Variants in FGF13 observed in about 807,000 individuals in gnomAD.
FGF13 encodes fibroblast growth factor 13.
FGF13 carries 2 observed loss-of-function variants against 19.5 expected under a neutral mutation model. The observed-to-expected ratio is 0.10, with a 90% CI of 0.04 to 0.32. The LOEUF is 0.32. FGF13 is among the 10% of genes least tolerant of loss of function. The probability of loss-of-function intolerance (pLI) is 1.00; values close to 1 mark genes in which losing one functional copy is unlikely to be tolerated. For missense variants in FGF13, 113 were observed against 192.7 expected (o/e 0.59, Z 2.45); for synonymous variants, 72 against 76.9 (o/e 0.94, Z 0.33).
chrX:139,090,941 C>CAAAAAA (rs1181771963), intron 1 of FGF13, among the ~76,000 whole-genome samples: 340 of 32,734 alleles, frequency 0.01, 22 homozygotes, highest in African/African-American at 0.035. Flanking sequence ...GACCCTGTCT[C>CAAAAAA]AAAAAAAAAA....
rs185561393 is a variant in FGF13, at chrX:138,652,512, T to C, written c.403-16857A>G. ...CATAAAAATTTACTAAATTAAGGGA[T>C]AGATGAATCCTGGTAGCCTGGTACA... On this transcript the variant is annotated intron_variant, in intron 3 of 4. Transcript: ENST00000315930. Among the ~76,000 whole-genome samples the C allele has an allele frequency of 3.1e-3, 348 of 111,880 alleles. 1 individual carries two copies. Among genetic ancestry groups the C allele is most frequent in the African/African-American group, 0.011 (334 of 30,800 alleles).
chrX:138,628,805 G>A lies in FGF13; in HGVS notation c.*4045C>T. On this transcript the variant is annotated 3_prime_UTR_variant, in exon 5 of 5. Transcript: ENST00000315930. Reference sequence around the variant, plus strand: ...AAAACTGGAACAAATGTACTGGTTAGGGAGGGGAGGAGTGCCACAGATCAC... The same window carrying A: ...AAAACTGGAACAAATGTACTGGTTAAGGAGGGGAGGAGTGCCACAGATCAC... The A allele has an allele frequency of 8.9e-6, 1 of 111,870 alleles. No individual in the cohort carries two copies. The highest frequency in any genetic ancestry group is 1.9e-5 in the Non-Finnish European group (1 of 53,245). The allele number at this position is 111,870 out of a possible 1,213,427, so 9.2% of individuals were successfully genotyped here. A position where few individuals can be genotyped will look rare whatever the true frequency, so the allele number is the denominator to read the frequency against.
At chrX:138,656,135 AT>A (rs759539700) in intron 3 of FGF13, among the ~76,000 whole-genome samples, 5 of 111,755 alleles carry the variant, frequency 4.5e-5, no homozygotes, top group African/African-American at 1.3e-4. Context: ...GTTTGGCAAG[AT>A]GAGTACCAAA....
intron 1 of FGF13, among the ~76,000 whole-genome samples, chrX:138,975,305 T>C (rs1048214661): frequency 1.8e-5 from 2 of 112,077 alleles, no homozygotes; most frequent in African/African-American, 6.5e-5. Flanking sequence ...GAAAGTGAGG[T>C]TGACTATCTT....
At chrX:138,777,700 C>T (rs775312514) in intron 3 of FGF13, among the ~76,000 whole-genome samples, 19 of 111,649 alleles carry the variant, frequency 1.7e-4, no homozygotes, top group Non-Finnish European at 3.0e-4. Flanking sequence ...AATAGCACCG[C>T]GAAAGCTCTA....
intron 1 of FGF13, among the ~76,000 whole-genome samples, chrX:138,725,550 T>G (rs987855609): frequency 9.0e-6 from 1 of 111,558 alleles, no homozygotes; most frequent in Non-Finnish European, 1.9e-5. Flanking sequence ...TTGTTCTTCC[T>G]AAGCAGTACG....
At chrX:139,102,691 A>G (rs2124458683) in intron 1 of FGF13, among the ~76,000 whole-genome samples, 1 of 112,444 alleles carries the variant, frequency 8.9e-6, no homozygotes, top group Admixed American at 9.4e-5. Context: ...AATCCACCAA[A>G]GAAAATGAGA....
In FGF13 at chrX:139,022,299, C is replaced by T. The variant is rs148435249; in HGVS notation, c.-112-157649G>A. Among the ~76,000 whole-genome samples the T allele has an allele frequency of 8.5e-3, 947 of 111,944 alleles. 9 individuals are homozygous for T. Among genetic ancestry groups the T allele is most frequent in the African/African-American group, 0.029 (900 of 30,941 alleles). On this transcript the variant is annotated intron_variant, in intron 1 of 2. Transcript: ENST00000421460. ...TAAAAGGGGCAATAACTCCAACCTT[C>T]GGTTACATAGCAGCATTGGGGTACT...
At chrX:138,914,382 TCC>T (rs759476286) in intron 1 of FGF13, among the ~76,000 whole-genome samples, 6 of 111,239 alleles carry the variant, frequency 5.4e-5, no homozygotes, top group Admixed American at 9.6e-5. Flanking sequence ...TGTATGTTAC[TCC>T]AACTTTGTGG....
intron 1 of FGF13, among the ~76,000 whole-genome samples, chrX:138,964,941 G>T (rs867180933): frequency 8.9e-6 from 1 of 111,774 alleles, no homozygotes; most frequent in South Asian, 3.8e-4. Context: ...AGATTTGGAG[G>T]GAACAAACAT....
chrX:138,689,651 A>G (rs934458501), intron 3 of FGF13, among the ~76,000 whole-genome samples: 1 of 112,040 alleles, frequency 8.9e-6, no homozygotes, highest in Non-Finnish European at 1.9e-5. Context: ...GAGAAAGCAT[A>G]CCTCAAGTAA....
At chrX:138,866,783 G>C (rs11798003) in intron 1 of FGF13, among the ~76,000 whole-genome samples, 1 of 112,035 alleles carries the variant, frequency 8.9e-6, no homozygotes, top group Non-Finnish European at 1.9e-5. Flanking sequence ...CTATTTTCAC[G>C]AGGTTCTGAA....
At chrX:138,857,553 G>A (rs912643928) in exon 3 of FGF13, 4 of 1,205,846 alleles carry the variant, frequency 3.3e-6, no homozygotes, top group African/African-American at 3.5e-5. Context: ...TTGCTTCAGC[G>A]GGCAGCAGAA....
chrX:138,996,224 G>A (rs1398863706), intron 1 of FGF13, among the ~76,000 whole-genome samples: 7 of 112,416 alleles, frequency 6.2e-5, no homozygotes, highest in Non-Finnish European at 1.1e-4. Flanking sequence ...TGCAGGGCAC[G>A]GCATCACCTC....
chrX:138,686,093 C>T (rs1008467402), intron 3 of FGF13, among the ~76,000 whole-genome samples: 1 of 111,118 alleles, frequency 9.0e-6, no homozygotes, highest in African/African-American at 3.3e-5. Context: ...CATCTTGCTG[C>T]TAACTTTTAA....
chrX:138,942,619 G>C (rs1719510159), intron 1 of FGF13, among the ~76,000 whole-genome samples: 1 of 111,586 alleles, frequency 9.0e-6, no homozygotes, highest in African/African-American at 3.3e-5. Flanking sequence ...GCTTGCTACA[G>C]AGCTAATTCT....
chrX:138,714,190 ATCTG>A (rs778666903), upstream of FGF13: 5 of 111,571 alleles, frequency 4.5e-5, no homozygotes, highest in East Asian at 1.4e-3. Context: ...TCTCTCTGTG[ATCTG>A]TCTGTCTACG....
intron 1 of FGF13, among the ~76,000 whole-genome samples, chrX:138,726,952 T>G (rs1223959593): frequency 1.8e-5 from 2 of 111,025 alleles, no homozygotes; most frequent in Non-Finnish European, 3.8e-5. Context: ...TCCCTACTTT[T>G]AACACTTCGC....
chrX:138,985,112 A>G (rs1471613644), intron 1 of FGF13: 2 of 357,697 alleles, frequency 5.6e-6, no homozygotes, highest in African/African-American at 2.5e-5. Flanking sequence ...AGGAAACAAA[A>G]CATCAACATC....
Sources: allele counts gnomAD v4.1 joint callset (sites outside exome capture counted in the v4.1 genomes callset), GRCh38; gene constraint gnomAD v4.1.1; transcripts MANE v1.5; gene names NCBI Gene and HGNC (gene_info 2026-07-23, HGNC 2026-07-21).